Variants in PKNOX2 observed in about 807,000 individuals in gnomAD.
PKNOX2 encodes the protein homeobox protein PKNOX2.
In PKNOX2, 14 loss-of-function variants were observed where a neutral mutation model predicts 53.1. That is an observed-to-expected ratio of 0.26 (90% CI 0.17 to 0.41). PKNOX2 has a LOEUF of 0.41. Among genes scored for constraint, PKNOX2 ranks in the 10% least tolerant of loss-of-function variants. The pLI, the probability that PKNOX2 is intolerant of heterozygous loss-of-function variation, is 1.00. For synonymous variants in PKNOX2, 257 were observed against 242.8 expected, an observed-to-expected ratio of 1.06 and a Z score of -0.54; for missense variants, 496 against 602.8, an observed-to-expected ratio of 0.82 and a Z score of 1.85.
At chr11:125,251,855 A>G (rs12271131) in intron 2 of PKNOX2, among the ~76,000 whole-genome samples, 35,599 of 150,232 alleles carry the variant, frequency 0.24, 5,368 homozygotes, top group Non-Finnish European at 0.33. Flanking sequence ...CAGTGATGTT[A>G]TTTTATATCA....
chr11:125,405,349 T>C lies in PKNOX2; in HGVS notation c.589-4847T>C, dbSNP rs578238848. Reference sequence around the variant, plus strand: ...TCCCATTCTGGTTTCTTCCAGGAATTCCTTCCTTGAGTGGAAATGAAGTCT... The same window carrying C: ...TCCCATTCTGGTTTCTTCCAGGAATCCCTTCCTTGAGTGGAAATGAAGTCT... On this transcript the variant is annotated intron_variant, in intron 7 of 12. Coordinates refer to ENST00000298282, the MANE Select transcript of PKNOX2 (RefSeq NM_001382323.2). Among the ~76,000 whole-genome samples the C allele has an allele frequency of 3.4e-3, 518 of 152,358 alleles. 3 individuals are homozygous for C. Among genetic ancestry groups the C allele is most frequent in the African/African-American group, 0.01 (434 of 41,586 alleles).
chr11:125,428,926 A>C, intron 10 of PKNOX2, 86 bp from the exon 11 acceptor site: 1 of 1,420,072 alleles, frequency 7.0e-7, no homozygotes, highest in South Asian at 1.2e-5. Flanking sequence ...CTGGCTCAGG[A>C]TAGTGCCCAT....
chr11:125,403,574 G>T (rs1353793548), intron 7 of PKNOX2, among the ~76,000 whole-genome samples: 1 of 152,202 alleles, frequency 6.6e-6, no homozygotes, highest in East Asian at 1.9e-4. Context: ...GAAGCTGAGA[G>T]AAGTGAAGAC....
At chr11:125,263,877 G>A (rs1945090718) in intron 2 of PKNOX2, among the ~76,000 whole-genome samples, 1 of 152,228 alleles carries the variant, frequency 6.6e-6, no homozygotes, top group South Asian at 2.1e-4. Context: ...TGGGTTCAGA[G>A]CTGGGAGGAC....
intron 2 of PKNOX2, among the ~76,000 whole-genome samples, chr11:125,319,225 A>G (rs1949379391): frequency 6.6e-6 from 1 of 152,222 alleles, no homozygotes. Context: ...CATGACATTT[A>G]TTGATTAAGT....
intron 3 of PKNOX2, among the ~76,000 whole-genome samples, chr11:125,344,301 C>T (rs368314728): frequency 3.9e-5 from 6 of 152,190 alleles, no homozygotes; most frequent in East Asian, 3.9e-4. Flanking sequence ...GGAGTGGAGA[C>T]GGGAGAGGAG....
chr11:125,429,831 G>A, intron 11 of PKNOX2, 132 bp from the exon 12 acceptor site: 1 of 1,076,248 alleles, frequency 9.3e-7, no homozygotes, highest in East Asian at 2.5e-5. Context: ...TCCTTGCTGG[G>A]CTTTTACATC....
At chr11:125,354,384 T>C (rs1021456999) in intron 4 of PKNOX2, among the ~76,000 whole-genome samples, 1 of 152,186 alleles carries the variant, frequency 6.6e-6, no homozygotes, top group Non-Finnish European at 1.5e-5. Context: ...GGACCACGTA[T>C]GACTTGTTTC....
chr11:125,246,872 C>G (rs1436736035), intron 2 of PKNOX2, among the ~76,000 whole-genome samples: 1 of 152,158 alleles, frequency 6.6e-6, no homozygotes, highest in Non-Finnish European at 1.5e-5. Context: ...CTTCAGCTCA[C>G]CCTCCTCACT....
intron 2 of PKNOX2, among the ~76,000 whole-genome samples, chr11:125,328,206 G>A (rs997847592): frequency 6.6e-6 from 1 of 152,236 alleles, no homozygotes; most frequent in Non-Finnish European, 1.5e-5. Flanking sequence ...CCCTGCTCTG[G>A]CCATTGTGGG....
chr11:125,369,006 G>A lies in PKNOX2; in HGVS notation c.227+1021G>A, dbSNP rs78866975. 6.6e-5 allele frequency among the ~76,000 whole-genome samples: 10 copies of A among 152,280 alleles called. No individual in the cohort carries two copies. In the East Asian group the frequency reaches 1.9e-3, roughly 29 times the overall value. On this transcript the variant is annotated intron_variant, in intron 5 of 12. Transcript: ENST00000298282. ...GCAGGTGCGAATGCCAGTAACATGT[G>A]GAATGATTCACCCAAGACTAATGAA...
intron 2 of PKNOX2, among the ~76,000 whole-genome samples, chr11:125,301,773 A>G (rs1256883145): frequency 6.6e-6 from 1 of 152,220 alleles, no homozygotes; most frequent in African/African-American, 2.4e-5. Context: ...GAGAGGAGAC[A>G]GAAGTGATTT....
intron 10 of PKNOX2, among the ~76,000 whole-genome samples, chr11:125,425,475 C>A (rs1211942397): frequency 2.0e-5 from 3 of 152,188 alleles, no homozygotes; most frequent in African/African-American, 7.2e-5. Context: ...ACTGTCTGGG[C>A]CCTTCTCTTC....
At chr11:125,219,438 CAAA>C (rs57107061) in intron 1 of PKNOX2, among the ~76,000 whole-genome samples, 1 of 130,492 alleles carries the variant, frequency 7.7e-6, no homozygotes, top group African/African-American at 2.7e-5. Context: ...AACTCTATCT[CAAA>C]AAAAAAAAAA....
intron 3 of PKNOX2, among the ~76,000 whole-genome samples, chr11:125,343,694 G>A (rs2136168603): frequency 6.6e-6 from 1 of 152,296 alleles, no homozygotes; most frequent in East Asian, 1.9e-4. Context: ...GCTTTTTGAA[G>A]CCAGAAAAGG....
chr11:125,414,020 A>T (rs12365261), intron 10 of PKNOX2, among the ~76,000 whole-genome samples: 13,348 of 151,978 alleles, frequency 0.088, 687 homozygotes, highest in African/African-American at 0.14. Flanking sequence ...AGGGTCACCC[A>T]TCTCTGTCCC....
chr11:125,406,847 A>G (rs7930892), intron 7 of PKNOX2, among the ~76,000 whole-genome samples: 2,580 of 148,688 alleles, frequency 0.017, 79 homozygotes, highest in African/African-American at 0.058. Context: ...ATCACAAGGA[A>G]GTTTTTAGAA....
chr11:125,236,777 G>GGAGAC (rs1216125272), intron 2 of PKNOX2, among the ~76,000 whole-genome samples: 3 of 152,188 alleles, frequency 2.0e-5, no homozygotes, highest in African/African-American at 7.2e-5. Context: ...AGGAAGAAGA[G>GGAGAC]GAGACGGGGA....
intron 2 of PKNOX2, among the ~76,000 whole-genome samples, chr11:125,291,974 T>A (rs1225534788): frequency 6.6e-6 from 1 of 152,098 alleles, no homozygotes; most frequent in Admixed American, 6.5e-5. Context: ...ATGGAAAAGT[T>A]TTGAGAAGAG....
Sources: gnomAD v4.1 joint callset for allele counts (sites outside exome capture counted in the v4.1 genomes callset) on GRCh38, gnomAD v4.1.1 for gene constraint, MANE v1.5 for transcripts, NCBI Gene and HGNC (gene_info 2026-07-23, HGNC 2026-07-21) for gene names.